DENND3: variants seen among roughly 807,000 people sequenced by gnomAD.
DENND3 encodes the protein DENN domain containing 3, also known as DENN domain-containing protein 3.
DENND3 carries 88 observed loss-of-function variants against 135.1 expected under a neutral mutation model. The ratio of observed to expected loss-of-function variants is 0.65; its 90% CI spans 0.55 to 0.78. DENND3 has a LOEUF of 0.78. DENND3 is among the 30% of genes least tolerant of loss of function. The pLI is 0.00. For synonymous variants in DENND3, 693 were observed against 712.3 expected, an observed-to-expected ratio of 0.97 and a Z score of 0.43; for missense variants, 1,392 against 1,688.4, an observed-to-expected ratio of 0.82 and a Z score of 3.08.
At position 141,141,421 on chromosome 8, in the gene DENND3, G is replaced by A. The variant is rs1344231329; in HGVS notation, c.623+97G>A. 4.2e-6 allele frequency: 5 copies of A among 1,193,480 alleles called. No individual in the cohort carries two copies. Among genetic ancestry groups the A allele is most frequent in the Non-Finnish European group, 5.8e-6 (5 of 862,892 alleles). The allele number at this position is 1,193,480 out of a possible 1,614,324, so 73.9% of individuals were successfully genotyped here. ...CCAGGGGGCTGGAGGTGGTGGGGGG[G>A]CAGCTCTCTGTTCCTCTCCTGGTGA... On this transcript the variant is annotated intron_variant, in intron 4 of 22. Coordinates refer to ENST00000519811, the MANE Select transcript of DENND3 (RefSeq NM_001352890.3). The surrounding 1 kb of genome is among the most constrained non-coding windows in gnomAD (Gnocchi z 5.3).
Position 141,154,552 on chromosome 8 carries a change from A to G in DENND3, c.1075-1297A>G, listed in dbSNP as rs371944561. ...AACCTTGTCAACAACATGTATTGGA[A>G]TCTTTTTTTTTTCTTTTTTTTTTTT... On this transcript the variant is annotated intron_variant, in intron 7 of 22. Coordinates refer to ENST00000519811, the MANE Select transcript of DENND3 (RefSeq NM_001352890.3). This position sits in a 1 kb window ranked among gnomAD's most constrained non-coding sequence, Gnocchi z 4.4. Among the ~76,000 whole-genome samples, 3 of 151,128 alleles carry G rather than the reference A, an allele frequency of 2.0e-5. No homozygotes were observed. The highest frequency in any genetic ancestry group is 7.3e-5 in the African/African-American group (3 of 41,188).
chr8:141,178,341 C>A, intron 16 of DENND3, 145 bp downstream of exon 16: 2 of 1,237,304 alleles, frequency 1.6e-6, no homozygotes, highest in East Asian at 2.6e-5. Context: ...ACTCTCGAGT[C>A]GCACACCTTA....
chr8:141,133,454 C>T (rs553700058), intron 1 of DENND3, among the ~76,000 whole-genome samples: 4 of 152,212 alleles, frequency 2.6e-5, no homozygotes, highest in East Asian at 1.9e-4. Context: ...ATCTGGTTTG[C>T]GGTCAGACAG....
At chr8:141,181,383 G>A (rs1027933664) in intron 17 of DENND3, among the ~76,000 whole-genome samples, 1 of 152,222 alleles carries the variant, frequency 6.6e-6, no homozygotes, top group African/African-American at 2.4e-5. Flanking sequence ...AGCTCTTAAT[G>A]GGATCCTCTT....
intron 16 of DENND3, among the ~76,000 whole-genome samples, chr8:141,179,877 C>T (rs904401937): frequency 6.6e-6 from 1 of 152,222 alleles, no homozygotes; most frequent in Non-Finnish European, 1.5e-5. Context: ...AAGGGGCAGG[C>T]CCTGGACGGC....
Position 141,141,204 on chromosome 8 carries a change from A to G in DENND3, c.503A>G (p.Asp168Gly). 6.2e-7 allele frequency: 1 copy of G among 1,614,046 alleles called. No homozygotes were observed. The highest frequency in any genetic ancestry group is 8.5e-7 in the Non-Finnish European group (1 of 1,179,976). The change falls in exon 4 of 23, where the codon GAT becomes GGT. Residue 168 changes from aspartate (D) to glycine (G), a missense_variant and splice_region_variant. Transcript: ENST00000519811. This position sits in a 1 kb window ranked among gnomAD's most constrained non-coding sequence, Gnocchi z 5.3. ...VVAQYYRPLHDEYCFYNGKTH... is the reference protein window; with the variant it reads ...VVAQYYRPLHGEYCFYNGKTH... ...ATGTCGCTGTTGCTTTTCATGTAGG[A>G]TGAGTACTGTTTCTACAATGGCAAA...
chr8:141,191,304 T>TA (rs1297830010), intron 20 of DENND3: 1 of 152,256 alleles, frequency 6.6e-6, no homozygotes, highest in Non-Finnish European at 1.5e-5. Flanking sequence ...TATCTGGCTT[T>TA]ATTCAGACAG....
chr8:141,173,872 AT>A (rs1194927388), intron 13 of DENND3: 1 of 152,230 alleles, frequency 6.6e-6, no homozygotes, highest in African/African-American at 2.4e-5. Context: ...CCCCTTTTGA[AT>A]GAGCCACCTC....
chr8:141,187,949 G>A (rs867028444), intron 18 of DENND3, among the ~76,000 whole-genome samples: 7 of 152,338 alleles, frequency 4.6e-5, no homozygotes, highest in Middle Eastern at 3.4e-3. Context: ...CACTTTGGGG[G>A]GCCGAAGCAG....
At chr8:141,192,720 C>T (rs1448178669) in intron 22 of DENND3, 57 bp downstream of exon 22, 8 of 1,608,918 alleles carry the variant, frequency 5.0e-6, no homozygotes, top group Admixed American at 1.7e-5. Context: ...TTGCCCTGGC[C>T]GCATCCCCAT....
At chr8:141,156,791 CTTTTT>C (rs34035594) in intron 8 of DENND3, among the ~76,000 whole-genome samples, 2 of 123,188 alleles carry the variant, frequency 1.6e-5, no homozygotes. Context: ...TTTTTCTTTC[CTTTTT>C]TTTTTTTTTT....
intron 1 of DENND3, among the ~76,000 whole-genome samples, chr8:141,132,400 C>T (rs968452915): frequency 2.0e-5 from 3 of 151,982 alleles, no homozygotes; most frequent in Non-Finnish European, 2.9e-5. Flanking sequence ...GCTTGTTGCC[C>T]AGGCTGGAGT....
intron 17 of DENND3, among the ~76,000 whole-genome samples, chr8:141,183,977 C>T (rs746779281): frequency 1.3e-4 from 20 of 152,112 alleles, no homozygotes; most frequent in Non-Finnish European, 2.2e-4. Context: ...CTTTCGGCCC[C>T]TTGAGGTTCT....
intron 3 of DENND3, among the ~76,000 whole-genome samples, chr8:141,140,880 TC>T (rs1161081708): frequency 1.3e-5 from 2 of 152,222 alleles, no homozygotes; most frequent in Admixed American, 6.5e-5. Flanking sequence ...CTGCATTTTC[TC>T]CCCTTGTAAA....
Position 141,165,243 on chromosome 8 carries a change from G to T in DENND3, c.1507G>T (p.Asp503Tyr). The T allele has an allele frequency of 1.2e-6, 2 of 1,614,176 alleles. No homozygotes were observed. Residue 503 changes from aspartate to tyrosine, a missense_variant, in exon 11 of 23, where the codon GAC (aspartate) becomes TAC (tyrosine). By Grantham distance (160) the Asp-to-Tyr change is radical (BLOSUM62 -3). Transcript: ENST00000519811. ...FLKARLNRRM[D>Y]AFAQMDLDTQ... ...TAAAGCCCGGCTCAATAGGAGGATG[G>T]ACGCCTTTGCTCAGATGGACCTCGA... is the stretch of plus-strand genomic sequence containing the variant.
intron 15 of DENND3, chr8:141,177,066 G>A (rs1318225522): frequency 2.7e-6 from 1 of 363,808 alleles, no homozygotes. Flanking sequence ...GCCTCCCGGG[G>A]GCGGACGGTG....
rs531397287 is a variant in DENND3, at chr8:141,194,421, C to G, written c.*188C>G. The G allele has an allele frequency of 2.2e-3, 1,435 of 655,364 alleles. 7 individuals are homozygous for G. The highest frequency in any genetic ancestry group is 2.9e-3 in the Middle Eastern group (7 of 2,404). The allele number at this position is 655,364 out of a possible 1,614,324, so 40.6% of individuals were successfully genotyped here. On this transcript the variant is annotated 3_prime_UTR_variant, in exon 23 of 23. Transcript: ENST00000519811. ...GCACCTTCTCTCAGGCCTTCGGGCCCCCTGGTTAAACTGCACCAAGGGTGT... is the reference window on the plus strand; with the variant it reads ...GCACCTTCTCTCAGGCCTTCGGGCCGCCTGGTTAAACTGCACCAAGGGTGT...
intron 19 of DENND3, among the ~76,000 whole-genome samples, chr8:141,190,026 C>T (rs1824490664): frequency 6.6e-6 from 1 of 152,204 alleles, no homozygotes; most frequent in Non-Finnish European, 1.5e-5. Flanking sequence ...TCCCGAGAAA[C>T]CCGCCTTTTC....
intron 20 of DENND3, chr8:141,191,400 T>A (rs1231647011): frequency 6.6e-6 from 1 of 152,278 alleles, no homozygotes; most frequent in East Asian, 1.9e-4. Flanking sequence ...GTCCATTGTG[T>A]GCATATGGAA....
Sources: gnomAD v4.1 joint callset for allele counts (sites outside exome capture counted in the v4.1 genomes callset) on GRCh38, gnomAD v4.1.1 for gene constraint, Gnocchi (gnomAD v3.1) non-coding constraint, MANE v1.5 for transcripts, NCBI Gene and HGNC (gene_info 2026-07-23, HGNC 2026-07-21) for gene names.